MED12L: variants seen among roughly 807,000 people sequenced by gnomAD.
MED12L encodes mediator complex subunit 12L.
Under a neutral mutation model 281.3 loss-of-function variants are expected in MED12L, and 60 were observed. That is an observed-to-expected ratio of 0.21 (90% CI 0.17 to 0.26). The LOEUF (loss-of-function observed/expected upper bound fraction) is 0.26. MED12L is among the 10% of genes least tolerant of loss of function. The pLI, the probability that MED12L is intolerant of heterozygous loss-of-function variation, is 1.00. For missense variants in MED12L, 2,146 were observed against 2,680.9 expected (o/e 0.80, Z 4.41); for synonymous variants, 974 against 987.2 (o/e 0.99, Z 0.25).
At chr3:151,351,952 T>A (rs1753288497) in intron 17 of MED12L, among the ~76,000 whole-genome samples, 1 of 152,244 alleles carries the variant, frequency 6.6e-6, no homozygotes, top group African/African-American at 2.4e-5. Flanking sequence ...ATTGTTGTTC[T>A]GTGCTGCCTT....
intron 27 of MED12L, among the ~76,000 whole-genome samples, chr3:151,373,760 T>G (rs1414831484): frequency 6.6e-6 from 1 of 152,174 alleles, no homozygotes; most frequent in Non-Finnish European, 1.5e-5. Flanking sequence ...ATTTGACATT[T>G]TAAAAATAGT....
chr3:151,317,693 G>A (rs1050451158), intron 16 of MED12L, among the ~76,000 whole-genome samples: 3 of 151,418 alleles, frequency 2.0e-5, no homozygotes, highest in African/African-American at 4.8e-5. Context: ...CTCATGATCC[G>A]CCCGCCTCAG....
intron 16 of MED12L, among the ~76,000 whole-genome samples, chr3:151,194,139 G>A (rs932993248): frequency 6.6e-6 from 1 of 151,632 alleles, no homozygotes; most frequent in Non-Finnish European, 1.5e-5. Flanking sequence ...CTAATTTTTT[G>A]TCTTTTTAGT....
chr3:151,378,254 A>C, intron 31 of MED12L, 81 bp downstream of exon 31: 7 of 1,336,916 alleles, frequency 5.2e-6, no homozygotes, highest in Non-Finnish European at 6.0e-6. Context: ...CTGTGTGGTC[A>C]CTGTACCCAC....
chr3:151,213,659 A>C (rs776647428), intron 16 of MED12L: 2 of 1,614,200 alleles, frequency 1.2e-6, no homozygotes, highest in East Asian at 4.5e-5. Context: ...TTCCGACTTG[A>C]CTTAAGGTGG....
In MED12L at chr3:151,367,629, C is replaced by A; in HGVS notation, c.3328-17C>A. 2.5e-6 allele frequency: 4 copies of A among 1,594,740 alleles called. No homozygotes were observed. The highest frequency in any genetic ancestry group is 2.2e-5 in the South Asian group (2 of 89,060). ...AAGGTTGTTAGGTATTAAAACCTGT[C>A]AATGTTTTTCTTGAAGGTGAGTGAC... On this transcript the variant is annotated splice_polypyrimidine_tract_variant and intron_variant, in intron 23 of 44. Transcript: ENST00000687756.
At chr3:151,359,633 A>G (rs1389562272) in intron 20 of MED12L, among the ~76,000 whole-genome samples, 1 of 152,058 alleles carries the variant, frequency 6.6e-6, no homozygotes, top group Non-Finnish European at 1.5e-5. Flanking sequence ...AAGTCACCCC[A>G]CCTTTCTGCC....
At chr3:151,230,004 C>G (rs537272398) in intron 16 of MED12L, among the ~76,000 whole-genome samples, 2 of 151,490 alleles carry the variant, frequency 1.3e-5, no homozygotes, top group African/African-American at 4.9e-5. Context: ...GAGTCTCGCT[C>G]TGTTGCCCAG....
intron 16 of MED12L, chr3:151,316,526 T>G (rs1317372055): frequency 6.6e-6 from 1 of 152,228 alleles, no homozygotes; most frequent in Non-Finnish European, 1.5e-5. Context: ...TTACAGTTTT[T>G]AATCATTGCT....
intron 26 of MED12L, among the ~76,000 whole-genome samples, chr3:151,372,285 G>A (rs886173442): frequency 9.9e-5 from 15 of 152,128 alleles, no homozygotes; most frequent in Admixed American, 5.9e-4. Flanking sequence ...TGATTACTTA[G>A]TGTGATTCAT....
intron 16 of MED12L, among the ~76,000 whole-genome samples, chr3:151,313,758 T>G (rs1282376970): frequency 6.6e-6 from 1 of 151,678 alleles, no homozygotes; most frequent in African/African-American, 2.4e-5. Context: ...GCAGGAGAAT[T>G]GCTTGAACCC....
intron 16 of MED12L, among the ~76,000 whole-genome samples, chr3:151,306,619 G>A (rs1329393332): frequency 6.6e-6 from 1 of 152,236 alleles, no homozygotes; most frequent in East Asian, 1.9e-4. Context: ...CCAGCCTGCT[G>A]TTGCAGTTCA....
intron 21 of MED12L, among the ~76,000 whole-genome samples, 197 bp from the exon 22 acceptor site, chr3:151,364,782 T>C (rs1407752565): frequency 1.3e-5 from 2 of 152,152 alleles, no homozygotes; most frequent in African/African-American, 4.8e-5. Flanking sequence ...TTAGAAATTA[T>C]TTATTGAGGA....
chr3:151,421,156 GC>G (rs1718203728), intron 43 of MED12L, among the ~76,000 whole-genome samples: 1 of 152,086 alleles, frequency 6.6e-6, no homozygotes, highest in Non-Finnish European at 1.5e-5. Flanking sequence ...TTGTTCATGG[GC>G]CCATTGAGGA....
intron 4 of MED12L, among the ~76,000 whole-genome samples, chr3:151,126,334 G>T (rs549201851): frequency 6.6e-6 from 1 of 152,216 alleles, no homozygotes; most frequent in South Asian, 2.1e-4. Context: ...CTGAGCTGCC[G>T]TGCAGGGCCT....
At chr3:151,374,792 A>G (rs1756624066) in intron 27 of MED12L, among the ~76,000 whole-genome samples, 1 of 152,086 alleles carries the variant, frequency 6.6e-6, no homozygotes. Context: ...GCTATAGAAT[A>G]GCTTACTTTC....
intron 11 of MED12L, among the ~76,000 whole-genome samples, chr3:151,170,193 C>T (rs1342090860): frequency 6.6e-6 from 1 of 152,070 alleles, no homozygotes; most frequent in African/African-American, 2.4e-5. Flanking sequence ...GGAGCTGATT[C>T]TGTGCCCACA....
chr3:151,389,610 T>G (rs1418020542), intron 37 of MED12L, among the ~76,000 whole-genome samples: 1 of 152,162 alleles, frequency 6.6e-6, no homozygotes, highest in Non-Finnish European at 1.5e-5. Flanking sequence ...AGACCCAAGA[T>G]ATTGGAAAGG....
At chr3:151,168,389 G>A (rs916054859) in intron 11 of MED12L, among the ~76,000 whole-genome samples, 20 of 152,318 alleles carry the variant, frequency 1.3e-4, no homozygotes, top group Admixed American at 9.8e-4. Flanking sequence ...GAGAGGGTGT[G>A]TGGGAAATGT....
Sources: allele counts gnomAD v4.1 joint callset (sites outside exome capture counted in the v4.1 genomes callset), GRCh38; gene constraint gnomAD v4.1.1; transcripts MANE v1.5; gene names NCBI Gene and HGNC (gene_info 2026-07-23, HGNC 2026-07-21).